ITGB6: variants seen among roughly 807,000 people sequenced by gnomAD.
ITGB6 encodes the protein integrin subunit beta 6.
ITGB6 carries 80 observed loss-of-function variants against 84.5 expected under a neutral mutation model. That is an observed-to-expected ratio of 0.95 (90% confidence interval 0.79 to 1.14). The LOEUF (loss-of-function observed/expected upper bound fraction) is 1.14. ITGB6 is among the 50% of genes most tolerant of loss of function. The probability of loss-of-function intolerance (pLI) is 0.00; values close to 1 mark genes in which losing one functional copy is unlikely to be tolerated. For missense variants in ITGB6, 1,006 were observed against 968.0 expected, an observed-to-expected ratio of 1.04 and a Z score of -0.52; for synonymous variants, 383 against 354.9, an observed-to-expected ratio of 1.08 and a Z score of -0.89.
chr2:160,103,151 T>C (rs1174379746), intron 14 of ITGB6, among the ~76,000 whole-genome samples: 1 of 152,180 alleles, frequency 6.6e-6, no homozygotes, highest in Non-Finnish European at 1.5e-5. Flanking sequence ...CCATGAATTA[T>C]AGCTATGGTA....
At chr2:160,116,026 C>G (rs893293825) in intron 12 of ITGB6, among the ~76,000 whole-genome samples, 2 of 145,628 alleles carry the variant, frequency 1.4e-5, no homozygotes, top group African/African-American at 5.1e-5. Flanking sequence ...AAGACCAAAT[C>G]TACTTCTGAT....
chr2:160,113,135 T>G (rs1476765731), intron 12 of ITGB6, among the ~76,000 whole-genome samples: 1 of 152,226 alleles, frequency 6.6e-6, no homozygotes, highest in Non-Finnish European at 1.5e-5. Flanking sequence ...TTTTAGGACA[T>G]AGGTCCAAAA....
At position 160,195,616 on chromosome 2, in the gene ITGB6, C is replaced by T; in HGVS notation, c.347-1G>A. On this transcript the variant is annotated splice_acceptor_variant, in intron 3 of 14. Transcript: ENST00000283249. LOFTEE classifies it high-confidence loss of function. ...TGCACCTGCAGAGTCTGCGCACCAC[C>T]TGCAAAGCCCAACAGGAAAAGCAAA... is the stretch of plus-strand genomic sequence containing the variant. The T allele has an allele frequency of 6.2e-7, 1 of 1,613,732 alleles. No individual in the cohort carries two copies. The highest frequency in any genetic ancestry group is 1.1e-5 in the South Asian group (1 of 91,060).
intron 13 of ITGB6, among the ~76,000 whole-genome samples, chr2:160,108,197 C>T (rs1174104422): frequency 2.1e-5 from 3 of 144,098 alleles, no homozygotes; most frequent in East Asian, 4.1e-4. Flanking sequence ...TCTGAGTTCA[C>T]GATAAAGCAG....
At chr2:160,141,036 G>T (rs1683980738) in intron 8 of ITGB6, among the ~76,000 whole-genome samples, 1 of 152,066 alleles carries the variant, frequency 6.6e-6, no homozygotes, top group Admixed American at 6.6e-5. Context: ...TGCTGGTTCA[G>T]TACATGCTAA....
chr2:160,112,170 A>G lies in ITGB6; in HGVS notation c.2011T>C (p.Ser671Pro), dbSNP rs1682560494. 14 of 1,612,534 alleles carry G rather than the reference A, an allele frequency of 8.7e-6. No homozygotes were observed. Among genetic ancestry groups the G allele is most frequent in the Non-Finnish European group, 1.2e-5 (14 of 1,178,738 alleles). The change falls in exon 13 of 15, where the codon TCT becomes CCT. Residue 671 changes from serine to proline, a missense_variant. Transcript: ENST00000283249. Reference protein sequence around the residue: ...DFSKDGSVSCSLQGENECLIT... With the variant: ...DFSKDGSVSCPLQGENECLIT... ...AGACATTCATTTTCTCCTTGCAGAGAGCAGGAAACAGAACCATCCTTTGAG... is the reference window on the plus strand; with the variant it reads ...AGACATTCATTTTCTCCTTGCAGAGGGCAGGAAACAGAACCATCCTTTGAG...
At chr2:160,143,817 A>T (rs1684090255) in intron 7 of ITGB6, among the ~76,000 whole-genome samples, 1 of 152,194 alleles carries the variant, frequency 6.6e-6, no homozygotes, top group Non-Finnish European at 1.5e-5. Flanking sequence ...AACCAAGGAG[A>T]GGAACAAATG....
chr2:160,186,606 C>T (rs72623109), intron 4 of ITGB6, among the ~76,000 whole-genome samples: 22,868 of 152,110 alleles, frequency 0.15, 2,288 homozygotes, highest in East Asian at 0.32. Context: ...TCAGCAATCC[C>T]GTTACTGCGT....
At chr2:160,145,040 A>G (rs1244877860) in intron 7 of ITGB6, among the ~76,000 whole-genome samples, 4 of 152,252 alleles carry the variant, frequency 2.6e-5, no homozygotes, top group African/African-American at 4.8e-5. Context: ...TAAATATTGT[A>G]GTATTATGAT....
At chr2:160,147,656 C>T (rs1684250448) in intron 7 of ITGB6, among the ~76,000 whole-genome samples, 1 of 152,018 alleles carries the variant, frequency 6.6e-6, no homozygotes, top group Admixed American at 6.6e-5. Context: ...GAATAGAGAG[C>T]CCAGAAATAG....
intron 7 of ITGB6, among the ~76,000 whole-genome samples, chr2:160,148,948 G>T (rs1279448853): frequency 6.6e-6 from 1 of 152,254 alleles, no homozygotes; most frequent in Non-Finnish European, 1.5e-5. Context: ...CAGCCAGGAA[G>T]CTCAAATTGG....
chr2:160,102,860 C>G (rs753736514), intron 14 of ITGB6, among the ~76,000 whole-genome samples: 1 of 152,194 alleles, frequency 6.6e-6, no homozygotes, highest in Non-Finnish European at 1.5e-5. Context: ...GCCTTGGTGT[C>G]CCTATCTGTT....
At chr2:160,138,252 CAGA>C (rs767060576) in intron 8 of ITGB6, 53 bp from the exon 9 acceptor site, 39 of 1,499,840 alleles carry the variant, frequency 2.6e-5, no homozygotes, top group Non-Finnish European at 3.2e-5. Flanking sequence ...AAAATATAGC[CAGA>C]AGAAGAAACC....
chr2:160,121,054 G>A (rs1031556052), intron 12 of ITGB6, among the ~76,000 whole-genome samples: 9 of 151,368 alleles, frequency 5.9e-5, no homozygotes, highest in Non-Finnish European at 1.0e-4. Context: ...AAAACTTAAA[G>A]TATAATGATA....
At chr2:160,140,908 C>T (rs1683974663) in intron 8 of ITGB6, among the ~76,000 whole-genome samples, 1 of 151,930 alleles carries the variant, frequency 6.6e-6, no homozygotes, top group Non-Finnish European at 1.5e-5. Context: ...AATTTTTTTT[C>T]TTTCCAAAAT....
chr2:160,115,970 T>C, intron 12 of ITGB6, among the ~76,000 whole-genome samples: 1 of 147,796 alleles, frequency 6.8e-6, no homozygotes, highest in East Asian at 1.9e-4. Flanking sequence ...GAAAAAAGAA[T>C]AAAAAGAAAT....
intron 10 of ITGB6, among the ~76,000 whole-genome samples, chr2:160,136,820 A>T (rs1464318203): frequency 1.3e-5 from 2 of 149,776 alleles, no homozygotes; most frequent in Non-Finnish European, 3.0e-5. Context: ...CAAACACCAC[A>T]TGTTCTCACT....
intron 12 of ITGB6, among the ~76,000 whole-genome samples, chr2:160,120,845 G>T (rs1416482242): frequency 6.8e-6 from 1 of 147,964 alleles, no homozygotes; most frequent in East Asian, 2.0e-4. Flanking sequence ...CTCACTCATA[G>T]GTGGGAATTG....
At chr2:160,146,737 G>A (rs1684208276) in intron 7 of ITGB6, among the ~76,000 whole-genome samples, 1 of 152,052 alleles carries the variant, frequency 6.6e-6, no homozygotes, top group Non-Finnish European at 1.5e-5. Flanking sequence ...GAGTGTGCCA[G>A]TAATAAATAT....
Sources: gnomAD v4.1 joint callset for allele counts (sites outside exome capture counted in the v4.1 genomes callset) on GRCh38, gnomAD v4.1.1 for gene constraint, MANE v1.5 for transcripts, NCBI Gene and HGNC (gene_info 2026-07-23, HGNC 2026-07-21) for gene names.